CDH13: variants seen among roughly 807,000 people sequenced by gnomAD.
CDH13 encodes cadherin-13.
CDH13 carries 24 observed loss-of-function variants against 63.8 expected under a neutral mutation model. The ratio of observed to expected loss-of-function variants is 0.38; its 90% CI spans 0.27 to 0.53. The LOEUF is 0.53. CDH13 is among the 20% of genes least tolerant of loss of function. The pLI is 0.85. For missense variants in CDH13, 1,049 were observed against 903.1 expected, an observed-to-expected ratio of 1.16 and a Z score of -2.07; for synonymous variants, 503 against 355.3, an observed-to-expected ratio of 1.42 and a Z score of -4.67.
chr16:83,522,091 C>G (rs1179139021), intron 7 of CDH13, among the ~76,000 whole-genome samples: 1 of 152,224 alleles, frequency 6.6e-6, no homozygotes, highest in African/African-American at 2.4e-5. Flanking sequence ...CAGTTCTCCC[C>G]TGCTGCGCAG....
intron 3 of CDH13, among the ~76,000 whole-genome samples, chr16:83,073,088 G>A (rs941697293): frequency 2.0e-5 from 3 of 152,080 alleles, no homozygotes; most frequent in East Asian, 1.9e-4. Flanking sequence ...CGAACTCCTC[G>A]TGACAACCTG....
At chr16:82,663,861 T>C (rs115392488) in intron 1 of CDH13, among the ~76,000 whole-genome samples, 207 of 152,314 alleles carry the variant, frequency 1.4e-3, no homozygotes, top group African/African-American at 4.8e-3. Context: ...TATGTGAATA[T>C]AGCGTGGGCT....
chr16:82,700,037 A>C (rs1841832248), intron 1 of CDH13, among the ~76,000 whole-genome samples: 1 of 152,072 alleles, frequency 6.6e-6, no homozygotes, highest in African/African-American at 2.4e-5. Flanking sequence ...CGCCTGTTAC[A>C]GAAGTTTGGT....
intron 2 of CDH13, among the ~76,000 whole-genome samples, chr16:83,031,722 T>A (rs1172978413): frequency 6.6e-6 from 1 of 152,124 alleles, no homozygotes; most frequent in Non-Finnish European, 1.5e-5. Context: ...AATGTCACTC[T>A]GCCAGATCTG....
At chr16:83,457,542 A>G (rs1048419748) in intron 6 of CDH13, among the ~76,000 whole-genome samples, 2 of 152,130 alleles carry the variant, frequency 1.3e-5, no homozygotes, top group Admixed American at 6.5e-5. Flanking sequence ...TAAATCACAG[A>G]TGTTGTCGTT....
At chr16:82,677,333 C>G (rs748624864) in intron 1 of CDH13, among the ~76,000 whole-genome samples, 1 of 152,082 alleles carries the variant, frequency 6.6e-6, no homozygotes, top group South Asian at 2.1e-4. Context: ...CTGTTTTATA[C>G]CTCTTCTTCC....
intron 6 of CDH13, among the ~76,000 whole-genome samples, chr16:83,387,213 T>G (rs138356670): frequency 0.015 from 2,232 of 152,298 alleles, 14 homozygotes; most frequent in Middle Eastern, 0.031. Flanking sequence ...CCCATTCTTA[T>G]GCTCACTTGA....
At chr16:82,837,852 C>G (rs937045594) in intron 1 of CDH13, among the ~76,000 whole-genome samples, 2 of 152,204 alleles carry the variant, frequency 1.3e-5, no homozygotes. Flanking sequence ...CTTGGAGCCA[C>G]TCTTACCAGT....
chr16:83,510,177 T>G (rs1162411719), intron 7 of CDH13, among the ~76,000 whole-genome samples: 1 of 152,238 alleles, frequency 6.6e-6, no homozygotes, highest in Non-Finnish European at 1.5e-5. Context: ...ATTTAAATTC[T>G]TCAGGGATAT....
chr16:82,887,037 A>G (rs938548887), intron 2 of CDH13, among the ~76,000 whole-genome samples: 1 of 152,172 alleles, frequency 6.6e-6, no homozygotes, highest in Non-Finnish European at 1.5e-5. Context: ...CTGTACAACC[A>G]TATCTGTGTA....
chr16:82,645,874 G>A (rs187281802), intron 1 of CDH13, among the ~76,000 whole-genome samples: 7 of 152,368 alleles, frequency 4.6e-5, no homozygotes, highest in South Asian at 2.1e-4. Flanking sequence ...TAAGGTATTC[G>A]TAAGGAATTT....
intron 13 of CDH13, among the ~76,000 whole-genome samples, chr16:83,793,165 C>T (rs942917825): frequency 6.6e-6 from 1 of 152,164 alleles, no homozygotes. Flanking sequence ...GCTTTGCCAA[C>T]TATTACTGTA....
intron 7 of CDH13, among the ~76,000 whole-genome samples, chr16:83,580,448 TTCTCTCTCTCTCTC>T (rs55664829): frequency 0.026 from 1,955 of 76,338 alleles, 88 homozygotes; most frequent in African/African-American, 0.081. Flanking sequence ...TTCTGTTCAT[TTCTCTCTCTCTCTC>T]TCTCTCTCTC....
At chr16:83,487,704 T>A (rs1452093769) in intron 7 of CDH13, among the ~76,000 whole-genome samples, 1 of 149,488 alleles carries the variant, frequency 6.7e-6, no homozygotes, top group Non-Finnish European at 1.5e-5. Flanking sequence ...CGTGGGGCCT[T>A]GGAGTTGTCC....
chr16:83,545,240 A>G (rs2075365255), intron 7 of CDH13, among the ~76,000 whole-genome samples: 1 of 152,202 alleles, frequency 6.6e-6, no homozygotes, highest in Admixed American at 6.5e-5. Context: ...CATCTGACAT[A>G]CCCAGTGACT....
At chr16:83,744,700 G>A (rs1331405846) in intron 10 of CDH13, among the ~76,000 whole-genome samples, 1 of 152,172 alleles carries the variant, frequency 6.6e-6, no homozygotes, top group Admixed American at 6.5e-5. Flanking sequence ...CGGCTCCCCC[G>A]AGGGCGCCCC....
At chr16:83,600,224 A>C (rs1189537514) in intron 7 of CDH13, among the ~76,000 whole-genome samples, 1 of 152,208 alleles carries the variant, frequency 6.6e-6, no homozygotes, top group Non-Finnish European at 1.5e-5. Flanking sequence ...TACGGTGTCA[A>C]TTCCACTTGT....
At chr16:82,721,121 C>G (rs527770979) in intron 1 of CDH13, among the ~76,000 whole-genome samples, 6 of 152,154 alleles carry the variant, frequency 3.9e-5, no homozygotes, top group Non-Finnish European at 8.8e-5. Context: ...ACCAGTCATT[C>G]CTCTCCTTGA....
intron 1 of CDH13, among the ~76,000 whole-genome samples, chr16:82,710,552 A>AAAATATATATATATATATAT (rs60196638): frequency 1.6e-5 from 1 of 63,780 alleles, no homozygotes; most frequent in Non-Finnish European, 3.0e-5. Flanking sequence ...AAAAAAAAAA[A>AAAATATATATATATATATAT]ATATATATAT....
Sources: allele counts gnomAD v4.1 joint callset (sites outside exome capture counted in the v4.1 genomes callset), GRCh38; gene constraint gnomAD v4.1.1; transcripts MANE v1.5; gene names NCBI Gene and HGNC (gene_info 2026-07-23, HGNC 2026-07-21).